Variants in ANO5 observed in about 807,000 individuals in gnomAD.
ANO5 encodes anoctamin-5.
Under a neutral mutation model 121.0 loss-of-function variants are expected in ANO5, and 109 were observed. The ratio of observed to expected loss-of-function variants is 0.90; its 90% CI spans 0.77 to 1.06. The LOEUF (loss-of-function observed/expected upper bound fraction) is 1.06, where lower values mean the gene tolerates loss of function less well. Ranked by LOEUF, ANO5 falls within the 50% of genes least tolerant of loss-of-function variation. ANO5 has a pLI of 0.00. For synonymous variants in ANO5, 406 were observed against 359.9 expected (o/e 1.13, Z -1.45); for missense variants, 1,064 against 1,078.5 (o/e 0.99, Z 0.19).
At chr11:22,257,128 G>T (rs532338101) in intron 13 of ANO5, among the ~76,000 whole-genome samples, 21 of 150,644 alleles carry the variant, frequency 1.4e-4, no homozygotes, top group African/African-American at 4.9e-4. Context: ...TGCTTCTTTT[G>T]GGTAAAATCT....
intron 1 of ANO5, among the ~76,000 whole-genome samples, chr11:22,203,439 A>G (rs1187508560): frequency 6.6e-6 from 1 of 152,072 alleles, no homozygotes; most frequent in African/African-American, 2.4e-5. Flanking sequence ...GAGAATATGA[A>G]ATCTCATGTG....
rs1853966406 is a variant in ANO5 at position 22,255,370 on chromosome 11, G to A, written c.1181-1G>A. 1 of 1,603,650 alleles carries A rather than the reference G, an allele frequency of 6.2e-7. No individual in the cohort carries two copies. Among genetic ancestry groups the A allele is most frequent in the Non-Finnish European group, 8.5e-7 (1 of 1,172,802 alleles). ...TTTTTTATATATTTATTTACCTATA[G>A]TCACCTTATTTTTGGAGTTTTGGAA... On this transcript the variant is annotated splice_acceptor_variant, in intron 12 of 21. Transcript: ENST00000324559. LOFTEE classifies it high-confidence loss of function.
Position 22,279,618 on chromosome 11 carries a change from C to G in ANO5, c.2595C>G (p.Ile865Met). 6.2e-7 allele frequency: 1 copy of G among 1,612,934 alleles called. No individual in the cohort carries two copies. The highest frequency in any genetic ancestry group is 8.5e-7 in the Non-Finnish European group (1 of 1,179,198). ...PDVPKDVVER[I>M]KREKLMTIKI... ...TTCCAAAAGATGTTGTGGAGAGAAT[C>G]AAGAGAGAAAAGTTAATGACTATCA... Residue 865 changes from isoleucine to methionine, a missense_variant, in exon 22 of 22, where the codon ATC (isoleucine) becomes ATG (methionine). Transcript: ENST00000324559.
Position 22,193,503 on chromosome 11 carries a change from C to G in ANO5, c.11C>G (p.Pro4Arg), listed in dbSNP as rs376116831. The change falls in exon 1 of 22, where the codon CCG (proline) becomes CGG (arginine). Residue 4 changes from proline to arginine, a missense_variant. Physicochemically the swap from Pro to Arg is moderately radical, Grantham distance 103. Transcript: ENST00000324559. MGD[P>R]DLLEVLAEEG... is the part of the protein sequence containing the mutation. ...AACGAGCTGGCGAAGATGGGCGACC[C>G]GGATCTCCTGGAAGTGTTGGCGGAG... 2 of 1,612,892 alleles carry G rather than the reference C, an allele frequency of 1.2e-6. No homozygotes were observed. Among genetic ancestry groups the G allele is most frequent in the African/African-American group, 2.7e-5 (2 of 74,920 alleles).
Position 22,226,062 on chromosome 11 carries a change from G to T in ANO5, c.363+10G>T. The T allele has an allele frequency of 6.3e-7, 1 of 1,589,642 alleles. No homozygotes were observed. The highest frequency in any genetic ancestry group is 8.6e-7 in the Non-Finnish European group (1 of 1,158,640). ...AATAGAAGACAAAAGGGTAAATGTAGTTGATAATTTATACAAGCCTCTTTA... is the reference window on the plus strand; with the variant it reads ...AATAGAAGACAAAAGGGTAAATGTATTTGATAATTTATACAAGCCTCTTTA... On this transcript the variant is annotated intron_variant, in intron 6 of 21. Transcript: ENST00000324559.
intron 18 of ANO5, 27 bp from the exon 19 acceptor site, chr11:22,272,757 G>T (rs1171186643): frequency 2.5e-6 from 4 of 1,598,364 alleles, no homozygotes; most frequent in Non-Finnish European, 3.4e-6. Flanking sequence ...ACAATAATGA[G>T]TTCATGCCTT....
Position 22,263,033 on chromosome 11 carries a change from GC to G in ANO5, c.1890del (p.Ile631PhefsTer6), listed in dbSNP as rs781606134. 1 of 1,609,628 alleles carries G rather than the reference GC, an allele frequency of 6.2e-7. No individual in the cohort carries two copies. The highest frequency in any genetic ancestry group is 1.3e-5 in the African/African-American group (1 of 74,864). The stretch of plus-strand genomic sequence containing the variant: ...ACAGATTTTTGGAAACATTAAAGAA[GC>G]CATTTATCCGTATGTATGACTTACA... Reference protein sequence around the residue: ...GKQIFGNIKEAIYPLALNWWR... With the variant: ...GKQIFGNIKEXIYPLALNWWR... On this transcript the variant is annotated frameshift_variant, in exon 17 of 22. Coordinates refer to ENST00000324559, the MANE Select transcript of ANO5 (RefSeq NM_213599.3). LOFTEE classifies it high-confidence loss of function.
intron 17 of ANO5, among the ~76,000 whole-genome samples, chr11:22,267,592 T>G (rs1854417348): frequency 6.7e-6 from 1 of 148,776 alleles, no homozygotes; most frequent in Non-Finnish European, 1.5e-5. Context: ...AAGATTTGTT[T>G]ATCCCTGTAC....
At chr11:22,206,305 G>A (rs1852119894) in intron 2 of ANO5, among the ~76,000 whole-genome samples, 1 of 144,650 alleles carries the variant, frequency 6.9e-6, no homozygotes, top group African/African-American at 2.6e-5. Context: ...TTGATGGAAG[G>A]CTCCATTCAT....
chr11:22,216,155 A>G (rs1852435858), intron 3 of ANO5, among the ~76,000 whole-genome samples: 2 of 151,896 alleles, frequency 1.3e-5, no homozygotes, highest in South Asian at 2.1e-4. Flanking sequence ...CATTCATGTA[A>G]GAAGTGTTTT....
intron 7 of ANO5, among the ~76,000 whole-genome samples, chr11:22,229,797 T>C (rs1408506236): frequency 6.6e-6 from 1 of 151,978 alleles, no homozygotes; most frequent in Non-Finnish European, 1.5e-5. Context: ...AAGCACACTT[T>C]ATCTTCCTTC....
intron 1 of ANO5, among the ~76,000 whole-genome samples, chr11:22,200,238 A>C (rs10741929): frequency 0.56 from 85,682 of 151,968 alleles, 26,025 homozygotes; most frequent in Non-Finnish European, 0.7. Flanking sequence ...AAATACTGTC[A>C]GGTGTTTTCC....
chr11:22,244,289 G>A (rs1428665943), intron 9 of ANO5, among the ~76,000 whole-genome samples: 1 of 152,070 alleles, frequency 6.6e-6, no homozygotes. Context: ...AGCCTGATGA[G>A]CTTCCATTTG....
At chr11:22,206,758 G>A (rs1291214564) in intron 2 of ANO5, among the ~76,000 whole-genome samples, 1 of 151,952 alleles carries the variant, frequency 6.6e-6, no homozygotes, top group Non-Finnish European at 1.5e-5. Context: ...ACCAAGAATA[G>A]AGAGGAACTA....
At chr11:22,248,648 T>C (rs1426333816) in intron 9 of ANO5, among the ~76,000 whole-genome samples, 1 of 152,006 alleles carries the variant, frequency 6.6e-6, no homozygotes, top group Non-Finnish European at 1.5e-5. Flanking sequence ...TTTAGTAAAT[T>C]CTCAGCAATT....
In ANO5 at chr11:22,203,878, C is replaced by A. The variant is rs1252810154; in HGVS notation, c.87+28C>A. ...AAGTTAAATATATATGCATTAACTT[C>A]CTTATAAGTCAGAATAAAAAATCAA... On this transcript the variant is annotated intron_variant, in intron 2 of 21. Coordinates refer to ENST00000324559, the MANE Select transcript of ANO5 (RefSeq NM_213599.3). 2.9e-6 allele frequency: 4 copies of A among 1,368,796 alleles called. No individual in the cohort carries two copies. The East Asian group carries it at 7.0e-5, about 24-fold the overall frequency. The allele number at this position is 1,368,796 out of a possible 1,614,324, so 84.8% of individuals were successfully genotyped here. A position where few individuals can be genotyped will look rare whatever the true frequency, so the allele number is the denominator to read the frequency against.
At chr11:22,207,430 G>A (rs905941848) in intron 2 of ANO5, among the ~76,000 whole-genome samples, 5 of 152,106 alleles carry the variant, frequency 3.3e-5, no homozygotes, top group Admixed American at 6.6e-5. Flanking sequence ...ATGTGCAAAA[G>A]CAGTTCAATG....
intron 2 of ANO5, among the ~76,000 whole-genome samples, chr11:22,210,404 C>T (rs1485081366): frequency 1.3e-5 from 2 of 151,828 alleles, no homozygotes; most frequent in African/African-American, 4.8e-5. Flanking sequence ...ATGTCTGTTA[C>T]ACATTTTATC....
chr11:22,279,210 T>C (rs1854983096), intron 21 of ANO5, among the ~76,000 whole-genome samples: 1 of 151,942 alleles, frequency 6.6e-6, no homozygotes, highest in African/African-American at 2.4e-5. Context: ...AGTCACCACA[T>C]CACCATTTGC....
Sources: allele counts gnomAD v4.1 joint callset (sites outside exome capture counted in the v4.1 genomes callset), GRCh38; gene constraint gnomAD v4.1.1; transcripts MANE v1.5; gene names NCBI Gene and HGNC (gene_info 2026-07-23, HGNC 2026-07-21).